Variants in PLXDC2 observed in about 807,000 individuals in gnomAD.
The protein encoded by PLXDC2 is plexin domain-containing protein 2.
PLXDC2 carries 40 observed loss-of-function variants against 68.9 expected under a neutral mutation model. The observed-to-expected ratio is 0.58, with a 90% CI of 0.45 to 0.76. The LOEUF (loss-of-function observed/expected upper bound fraction) is 0.76, where lower values mean the gene tolerates loss of function less well. PLXDC2 is among the 30% of genes least tolerant of loss of function. The pLI, the probability that PLXDC2 is intolerant of heterozygous loss-of-function variation, is 0.00. For missense variants in PLXDC2, 644 were observed against 661.9 expected, an observed-to-expected ratio of 0.97 and a Z score of 0.30; for synonymous variants, 243 against 234.2, an observed-to-expected ratio of 1.04 and a Z score of -0.34.
At chr10:20,261,520 A>C (rs954022191) in intron 13 of PLXDC2, among the ~76,000 whole-genome samples, 3 of 152,226 alleles carry the variant, frequency 2.0e-5, no homozygotes, top group Non-Finnish European at 2.9e-5. Flanking sequence ...TGAGCAAAAG[A>C]AAATTTTGGA....
At chr10:20,146,925 T>G (rs1010621587) in intron 5 of PLXDC2, among the ~76,000 whole-genome samples, 5 of 152,144 alleles carry the variant, frequency 3.3e-5, no homozygotes, top group Admixed American at 2.6e-4. Flanking sequence ...TCAGCACAAC[T>G]TTTTTGGGCA....
At chr10:20,107,875 A>G (rs762218418) in intron 4 of PLXDC2, among the ~76,000 whole-genome samples, 10 of 152,330 alleles carry the variant, frequency 6.6e-5, no homozygotes, top group Non-Finnish European at 1.2e-4. Flanking sequence ...AAATACAAGC[A>G]AAAGAAGGAA....
chr10:20,162,738 T>C (rs1834321683), intron 6 of PLXDC2, among the ~76,000 whole-genome samples: 2 of 151,934 alleles, frequency 1.3e-5, no homozygotes, highest in South Asian at 4.1e-4. Flanking sequence ...ATTTCACATA[T>C]TGATACTGAA....
At chr10:19,897,308 C>T (rs551934152) in intron 1 of PLXDC2, among the ~76,000 whole-genome samples, 9 of 151,434 alleles carry the variant, frequency 5.9e-5, no homozygotes, top group Admixed American at 4.0e-4. Flanking sequence ...GGCACGATCT[C>T]GGCTCACCGC....
chr10:20,027,336 T>C (rs151149105), intron 2 of PLXDC2, among the ~76,000 whole-genome samples: 182 of 152,188 alleles, frequency 1.2e-3, no homozygotes, highest in African/African-American at 4.2e-3. Flanking sequence ...AATGTTGTTA[T>C]GAAAAGGGTG....
chr10:20,243,550 TG>T (rs1482182219), intron 12 of PLXDC2, among the ~76,000 whole-genome samples: 1 of 150,482 alleles, frequency 6.6e-6, no homozygotes, highest in Non-Finnish European at 1.5e-5. Flanking sequence ...AGAGGGGAGG[TG>T]GAAAGAATTA....
intron 13 of PLXDC2, among the ~76,000 whole-genome samples, chr10:20,255,524 A>C (rs1229890904): frequency 6.6e-6 from 1 of 152,182 alleles, no homozygotes; most frequent in Non-Finnish European, 1.5e-5. Flanking sequence ...TAATTTTAGC[A>C]ATAATTAGTG....
intron 1 of PLXDC2, among the ~76,000 whole-genome samples, chr10:19,952,985 C>T (rs1293862999): frequency 2.4e-4 from 36 of 152,212 alleles, no homozygotes; most frequent in African/African-American, 3.4e-4. Context: ...CTGCCTCAGC[C>T]TCCTAAGTAG....
intron 1 of PLXDC2, among the ~76,000 whole-genome samples, chr10:19,832,712 G>T (rs1244694676): frequency 5.3e-5 from 8 of 152,178 alleles, no homozygotes; most frequent in Admixed American, 5.2e-4. Flanking sequence ...AAGAGGCTAT[G>T]TGCATGTGTA....
intron 11 of PLXDC2, among the ~76,000 whole-genome samples, chr10:20,218,583 C>A (rs1835170095): frequency 6.6e-6 from 1 of 152,000 alleles, no homozygotes; most frequent in African/African-American, 2.4e-5. Flanking sequence ...GATAAGATCT[C>A]TTTATATAGA....
chr10:20,031,933 C>T (rs1835507153), intron 2 of PLXDC2, among the ~76,000 whole-genome samples: 1 of 152,068 alleles, frequency 6.6e-6, no homozygotes, highest in African/African-American at 2.4e-5. Context: ...GATTCTCCTG[C>T]CTCAGCCTCC....
chr10:19,924,293 G>C (rs1456356960), intron 1 of PLXDC2, among the ~76,000 whole-genome samples: 4 of 152,096 alleles, frequency 2.6e-5, no homozygotes, highest in Non-Finnish European at 5.9e-5. Context: ...CTGGGACCAG[G>C]CTCTAGGCTT....
At chr10:20,058,797 A>G (rs1020070290) in intron 3 of PLXDC2, among the ~76,000 whole-genome samples, 1 of 152,200 alleles carries the variant, frequency 6.6e-6, no homozygotes, top group Non-Finnish European at 1.5e-5. Flanking sequence ...TTTTAAAGAC[A>G]CTTGTCTAGC....
intron 1 of PLXDC2, among the ~76,000 whole-genome samples, chr10:19,840,127 T>G (rs963805029): frequency 8.5e-5 from 13 of 152,184 alleles, no homozygotes; most frequent in African/African-American, 2.4e-4. Context: ...AAATCTATCT[T>G]GGAAATGCCA....
chr10:20,196,844 T>C (rs1356826151), intron 9 of PLXDC2, among the ~76,000 whole-genome samples: 2 of 152,188 alleles, frequency 1.3e-5, no homozygotes, highest in Admixed American at 1.3e-4. Context: ...CTTCTTCCCA[T>C]TATAGCCATA....
At chr10:20,251,610 A>G (rs1437212622) in intron 13 of PLXDC2, among the ~76,000 whole-genome samples, 3 of 152,156 alleles carry the variant, frequency 2.0e-5, no homozygotes, top group Admixed American at 6.5e-5. Context: ...ATCACTATTC[A>G]AGATTTTTAA....
intron 2 of PLXDC2, among the ~76,000 whole-genome samples, chr10:20,037,441 T>C (rs1005196071): frequency 1.3e-5 from 2 of 152,150 alleles, no homozygotes; most frequent in Non-Finnish European, 2.9e-5. Context: ...GCATGTGCCA[T>C]GTTGGTGTGC....
At chr10:20,239,758 AGAACAATCAGT>A (rs1835490427) in intron 12 of PLXDC2, among the ~76,000 whole-genome samples, 1 of 152,198 alleles carries the variant, frequency 6.6e-6, no homozygotes, top group South Asian at 2.1e-4. Flanking sequence ...CCAATATAAA[AGAACAATCAGT>A]CGAGCCACAT....
chr10:19,877,128 A>C (rs1439107959), intron 1 of PLXDC2, among the ~76,000 whole-genome samples: 3 of 152,140 alleles, frequency 2.0e-5, no homozygotes, highest in Non-Finnish European at 2.9e-5. Flanking sequence ...TGATATTCTG[A>C]TAAAAGCTAT....
Sources: allele counts gnomAD v4.1 joint callset (sites outside exome capture counted in the v4.1 genomes callset), GRCh38; gene constraint gnomAD v4.1.1; transcripts MANE v1.5; gene names NCBI Gene and HGNC (gene_info 2026-07-23, HGNC 2026-07-21).